Variants in TKTL1 observed in about 807,000 individuals in gnomAD.
TKTL1 encodes transketolase like 1, also known as transketolase-like protein 1.
In TKTL1, 1 loss-of-function variant was observed where a neutral mutation model predicts 39.3. That is an observed-to-expected ratio of 0.03 (90% CI 0.01 to 0.12). The LOEUF (loss-of-function observed/expected upper bound fraction) is 0.12. TKTL1 is among the 10% of genes least tolerant of loss of function. The pLI is 1.00. For missense variants in TKTL1, 575 were observed against 509.6 expected (o/e 1.13, Z -1.24); for synonymous variants, 262 against 193.8 (o/e 1.35, Z -2.92).
chrX:154,309,568 G>C (rs1320917700), intron 3 of TKTL1, 126 bp downstream of exon 3: 5 of 573,154 alleles, frequency 8.7e-6, no homozygotes, highest in South Asian at 2.8e-5. Context: ...ATCACATCCC[G>C]TGGTGACCCC....
chrX:154,320,185 C>T (rs1337053132), intron 7 of TKTL1: 3 of 112,553 alleles, frequency 2.7e-5, no homozygotes, highest in East Asian at 2.8e-4. Flanking sequence ...TTTGTGGCTT[C>T]GAGGTCCCTT....
chrX:154,299,281 A>C lies in TKTL1; in HGVS notation c.134+3288A>C, dbSNP rs1415943575. 7.8e-5 allele frequency among the ~76,000 whole-genome samples: 8 copies of C among 103,052 alleles called. No individual in the cohort carries two copies. The East Asian group carries it at 2.1e-3, about 27-fold the overall frequency. The allele number at this position is 103,052 out of a possible 115,157, so 89.5% of individuals were successfully genotyped here. ...AGCAATTCTCCTGCCTCGGCCTCCC[A>C]AGTAGCTGGGATTACACGCATGCAC... On this transcript the variant is annotated intron_variant, in intron 1 of 12. Transcript: ENST00000369915.
At chrX:154,305,212 A>G (rs2067305632) in intron 1 of TKTL1, 92 bp from the exon 2 acceptor site, 4 of 1,178,617 alleles carry the variant, frequency 3.4e-6, no homozygotes, top group Non-Finnish European at 2.3e-6. Flanking sequence ...GCTGGGAGAA[A>G]TGACCGCTTC....
In TKTL1 at chrX:154,312,879, G is replaced by A. The variant is rs2067369545; in HGVS notation, c.864+106G>A. The A allele has an allele frequency of 1.0e-5, 8 of 768,057 alleles. No individual in the cohort carries two copies. In the South Asian group the frequency reaches 2.6e-4, roughly 25 times the overall value. 63.3% of individuals were successfully genotyped at this position (768,057 alleles called of 1,213,427 possible). A position where few individuals can be genotyped will look rare whatever the true frequency, so the allele number is the denominator to read the frequency against. ...TTCTTCATTTATTCTGGTCTCCATG[G>A]ACGAACCAATTACTAGAGTGACATG... On this transcript the variant is annotated intron_variant, in intron 6 of 12. Coordinates refer to ENST00000369915, the MANE Select transcript of TKTL1 (RefSeq NM_012253.4).
At chrX:154,322,073 A>C (rs1557170977) in intron 8 of TKTL1, among the ~76,000 whole-genome samples, 1 of 109,510 alleles carries the variant, frequency 9.1e-6, no homozygotes, top group Non-Finnish European at 1.9e-5. Flanking sequence ...ATCTCTACTG[A>C]AAATAGAAAA....
chrX:154,300,828 G>T (rs1408980095), intron 1 of TKTL1, among the ~76,000 whole-genome samples: 2 of 110,522 alleles, frequency 1.8e-5, no homozygotes, highest in Non-Finnish European at 3.8e-5. Context: ...GAGTAGCTGG[G>T]ACTACAGGTG....
At chrX:154,298,693 C>G (rs1265592816) in intron 1 of TKTL1, among the ~76,000 whole-genome samples, 1 of 77,456 alleles carries the variant, frequency 1.3e-5, no homozygotes. Context: ...GACCCTGTCT[C>G]AAAAAGAAAA....
chrX:154,330,008 C>A lies in TKTL1; in HGVS notation c.*320C>A. On this transcript the variant is annotated 3_prime_UTR_variant, in exon 13 of 13. Transcript: ENST00000369915. ...AAGTGGTAGAGGTAATCAATTCTTC[C>A]GAAGTGTTTCCTTCGTGAATAACTG... 1 of 192,697 alleles carries A rather than the reference C, an allele frequency of 5.2e-6. No homozygotes were observed. The allele number at this position is 192,697 out of a possible 1,213,427, so 15.9% of individuals were successfully genotyped here. A position where few individuals can be genotyped will look rare whatever the true frequency, so the allele number is the denominator to read the frequency against.
At chrX:154,321,688 G>A (rs1165238468) in intron 8 of TKTL1, among the ~76,000 whole-genome samples, 1 of 107,591 alleles carries the variant, frequency 9.3e-6, no homozygotes, top group African/African-American at 3.4e-5. Flanking sequence ...CAGCTGGCGT[G>A]CCTGTGGCAG....
At chrX:154,327,210 C>A in intron 10 of TKTL1, 1 of 323,646 alleles carries the variant, frequency 3.1e-6, no homozygotes, top group Admixed American at 3.4e-5. Context: ...TGCCACTGAA[C>A]AGATCTTACA....
chrX:154,320,774 C>G lies in TKTL1; in HGVS notation c.1047C>G (p.Gly349=). 1 of 1,211,516 alleles carries G rather than the reference C, an allele frequency of 8.3e-7. No homozygotes were observed. Among genetic ancestry groups the G allele is most frequent in the Non-Finnish European group, 1.1e-6 (1 of 895,167 alleles). Residue 349 remains glycine, a synonymous_variant, in exon 8 of 13, where the codon GGC becomes GGG. Transcript: ENST00000369915. ...AEQNMVSVAL[G]CASRGRTIAF... is the part of the protein sequence containing the mutation. ...TGCTGCAGGTGAGCGTGGCTCTGGG[C>G]TGTGCCTCCCGTGGACGGACCATTG...
intron 2 of TKTL1, among the ~76,000 whole-genome samples, chrX:154,308,167 G>A (rs1487650444): frequency 3.6e-5 from 4 of 111,904 alleles, no homozygotes; most frequent in African/African-American, 6.5e-5. Flanking sequence ...AAGTAAAAGT[G>A]GAGGAGGTAG....
At chrX:154,301,175 C>G (rs782156854) in intron 1 of TKTL1, among the ~76,000 whole-genome samples, 2 of 111,235 alleles carry the variant, frequency 1.8e-5, no homozygotes, top group Non-Finnish European at 3.8e-5. Flanking sequence ...TGATTTCTAA[C>G]CTCATCCCAT....
intron 1 of TKTL1, 34 bp from the exon 2 acceptor site, chrX:154,305,270 G>A (rs782486509): frequency 4.2e-6 from 5 of 1,197,644 alleles, no homozygotes; most frequent in Middle Eastern, 2.3e-4. Flanking sequence ...GCCAGTTGCT[G>A]TGAGAAATGA....
At chrX:154,297,133 A>G (rs1557164781) in intron 1 of TKTL1, among the ~76,000 whole-genome samples, 14 of 112,182 alleles carry the variant, frequency 1.2e-4, no homozygotes, top group Non-Finnish European at 1.9e-5. Context: ...TAAAAAAATA[A>G]AGTAAAAGAA....
At chrX:154,323,588 A>G (rs900986236) in intron 9 of TKTL1, among the ~76,000 whole-genome samples, 3 of 112,354 alleles carry the variant, frequency 2.7e-5, no homozygotes, top group Non-Finnish European at 3.8e-5. Flanking sequence ...CAGAAGAAAC[A>G]GGGACCATTC....
In TKTL1 at chrX:154,327,890, C is replaced by T. The variant is rs1557172316; in HGVS notation, c.1550C>T (p.Ala517Val). Residue 517 changes from alanine to valine, a missense_variant, in exon 12 of 13, where the codon GCC (alanine) becomes GTC (valine). Coordinates refer to ENST00000369915, the MANE Select transcript of TKTL1 (RefSeq NM_012253.4). Reference protein sequence around the residue: ...DLFTIKPLDVATIVSSAKATE... With the variant: ...DLFTIKPLDVVTIVSSAKATE... ...TTTACCATTAAACCTCTGGATGTCG[C>T]CACCATCGTCTCCAGTGCAAAAGCC... 12 of 1,211,500 alleles carry T rather than the reference C, an allele frequency of 9.9e-6. No individual in the cohort carries two copies. Among genetic ancestry groups the T allele is most frequent in the Non-Finnish European group, 1.3e-5 (12 of 895,199 alleles).
At position 154,329,451 on chromosome X, in the gene TKTL1, T is replaced by C. The variant is rs782217684; in HGVS notation, c.1619-65T>C. ...GAAGCTGCAGATTCAAAGGCCTCTA[T>C]GTGGTGAGGCTTTAAGGCTGACGAG... is the stretch of plus-strand genomic sequence containing the variant. On this transcript the variant is annotated intron_variant, in intron 12 of 12. Coordinates refer to ENST00000369915, the MANE Select transcript of TKTL1 (RefSeq NM_012253.4). 6.8e-5 allele frequency: 75 copies of C among 1,100,646 alleles called. No homozygotes were observed. In the South Asian group the frequency reaches 8.0e-4, roughly 12 times the overall value. The allele number at this position is 1,100,646 out of a possible 1,213,427, so 90.7% of individuals were successfully genotyped here.
At chrX:154,314,782 C>T (rs1258204004) in intron 6 of TKTL1, among the ~76,000 whole-genome samples, 15 of 111,289 alleles carry the variant, frequency 1.3e-4, no homozygotes, top group African/African-American at 4.3e-4. Flanking sequence ...GCCTCAGCCT[C>T]CCAAAATGCT....
Sources: allele counts gnomAD v4.1 joint callset (sites outside exome capture counted in the v4.1 genomes callset), GRCh38; gene constraint gnomAD v4.1.1; transcripts MANE v1.5; gene names NCBI Gene and HGNC (gene_info 2026-07-23, HGNC 2026-07-21).